The following ADAMTSL1 variants were observed in gnomAD, a reference collection of about 807,000 sequenced individuals.
The protein encoded by ADAMTSL1 is ADAMTS like 1.
In ADAMTSL1, 126 loss-of-function variants were observed where a neutral mutation model predicts 201.8. The observed-to-expected ratio is 0.62, with a 90% CI of 0.54 to 0.72. The LOEUF (loss-of-function observed/expected upper bound fraction) is 0.72. ADAMTSL1 is among the 30% of genes least tolerant of loss of function. The pLI is 0.00. For missense variants in ADAMTSL1, 2,679 were observed against 2,277.8 expected, an observed-to-expected ratio of 1.18 and a Z score of -3.59; for synonymous variants, 1,121 against 903.4, an observed-to-expected ratio of 1.24 and a Z score of -4.32.
chr9:18,137,391 G>A (rs1017760162), intron 1 of ADAMTSL1, among the ~76,000 whole-genome samples: 2 of 152,078 alleles, frequency 1.3e-5, no homozygotes, highest in African/African-American at 4.8e-5. Flanking sequence ...CTGAAGCCTT[G>A]AGCCTTCAAT....
intron 3 of ADAMTSL1, among the ~76,000 whole-genome samples, chr9:18,562,183 C>T (rs7390343): frequency 0.25 from 38,640 of 151,984 alleles, 5,675 homozygotes; most frequent in Admixed American, 0.35. Context: ...CCATGTTTAG[C>T]GCTTCCTTCA....
intron 14 of ADAMTSL1, among the ~76,000 whole-genome samples, chr9:18,719,533 T>A (rs1002052185): frequency 2.6e-5 from 4 of 152,104 alleles, no homozygotes; most frequent in African/African-American, 9.7e-5. Flanking sequence ...GCTGGCTAAT[T>A]TTGTACTTTT....
chr9:18,841,270 C>A (rs1309358182), intron 23 of ADAMTSL1, among the ~76,000 whole-genome samples: 3 of 151,938 alleles, frequency 2.0e-5, no homozygotes, highest in Admixed American at 6.6e-5. Flanking sequence ...TTGTCAAAGG[C>A]CTTTTCTGCA....
Position 18,165,666 on chromosome 9 carries a change from A to C in ADAMTSL1, c.207+1685A>C, listed in dbSNP as rs1010414393. ...TCACTCCACAAAGCTGGAATTTTAC[A>C]AGAAAAAGAGGGGAAAACAAGAAAA... On this transcript the variant is annotated intron_variant, in intron 2 of 29. Coordinates refer to the ADAMTSL1 transcript ENST00000680146. 3.3e-5 allele frequency among the ~76,000 whole-genome samples: 5 copies of C among 151,928 alleles called. No individual in the cohort carries two copies. In the East Asian group the frequency reaches 9.7e-4, roughly 29 times the overall value.
chr9:18,528,020 G>C (rs138937853), intron 2 of ADAMTSL1, among the ~76,000 whole-genome samples: 119 of 152,156 alleles, frequency 7.8e-4, no homozygotes, highest in Admixed American at 1.4e-3. Flanking sequence ...TGGGATTACA[G>C]GTGCCTGCCA....
chr9:18,455,415 G>C, intron 2 of ADAMTSL1, among the ~76,000 whole-genome samples: 1 of 151,976 alleles, frequency 6.6e-6, no homozygotes, highest in East Asian at 1.9e-4. Context: ...ATGTTTCTAA[G>C]CTGGTACCAC....
rs181149022 is a variant in ADAMTSL1, at chr9:18,770,801, G to A, written c.2397+20G>A. On this transcript the variant is annotated intron_variant, in intron 17 of 28. Coordinates refer to ENST00000380548, the MANE Select transcript of ADAMTSL1 (RefSeq NM_001040272.6). Reference sequence around the variant, plus strand: ...ACAGAGGTATGTATGTTCCTCCGAAGAGAATGAAAGAGATCCAAGTAGGAA... The same window carrying A: ...ACAGAGGTATGTATGTTCCTCCGAAAAGAATGAAAGAGATCCAAGTAGGAA... 264 of 1,606,106 alleles carry A rather than the reference G, an allele frequency of 1.6e-4. 1 individual carries two copies. In the East Asian group the frequency reaches 5.1e-3, roughly 31 times the overall value.
Position 18,421,890 on chromosome 9 carries a change from A to G in ADAMTSL1, c.208-82939A>G, listed in dbSNP as rs561848531. On this transcript the variant is annotated intron_variant, in intron 2 of 29. Transcript: ENST00000680146. Reference sequence around the variant, plus strand: ...TTTTATATGGAAGTAGATTATTACAAATAGTCAAGGATTTAAGAATGTAAT... The same window carrying G: ...TTTTATATGGAAGTAGATTATTACAGATAGTCAAGGATTTAAGAATGTAAT... Among the ~76,000 whole-genome samples, 3 of 152,348 alleles carry G rather than the reference A, an allele frequency of 2.0e-5. No individual in the cohort carries two copies. The East Asian group carries it at 5.8e-4, about 29-fold the overall frequency.
intron 4 of ADAMTSL1, among the ~76,000 whole-genome samples, chr9:18,606,770 C>G (rs1889008): frequency 6.6e-6 from 1 of 151,868 alleles, no homozygotes; most frequent in Non-Finnish European, 1.5e-5. Context: ...CCTTCCCCCC[C>G]AGTTTTCTTA....
In ADAMTSL1 at chr9:18,826,404, C is replaced by G. The variant is rs1232717918; in HGVS notation, c.4055C>G (p.Ser1352Cys). ...NVSSSDQGLY[S>C]CRAANLHGEL... is the part of the protein sequence containing the mutation. The stretch of plus-strand genomic sequence containing the variant: ...TCCTCCTCGGATCAGGGCCTGTACT[C>G]CTGCAGGGCGGCCAATCTTCATGGA... The change falls in exon 22 of 29, where the codon TCC (serine) becomes TGC (cysteine). Residue 1352 changes from serine to cysteine, a missense_variant. Coordinates refer to ENST00000380548, the MANE Select transcript of ADAMTSL1 (RefSeq NM_001040272.6). 1 of 1,613,856 alleles carries G rather than the reference C, an allele frequency of 6.2e-7. No individual in the cohort carries two copies. Among genetic ancestry groups the G allele is most frequent in the South Asian group, 1.1e-5 (1 of 91,022 alleles).
intron 4 of ADAMTSL1, among the ~76,000 whole-genome samples, chr9:18,611,331 T>TA (rs1825351456): frequency 6.6e-6 from 1 of 152,178 alleles, no homozygotes; most frequent in Non-Finnish European, 1.5e-5. Flanking sequence ...CCAGACACCC[T>TA]AATTTTGGAA....
chr9:18,675,906 C>T lies in ADAMTSL1; in HGVS notation c.1135C>T (p.Arg379Trp), dbSNP rs1337418915. ...MPYDLYHPLP[R>W]WEATPWTACS... ...TTATGACCTCTACCATCCCCTTCCTCGGTACGTAAATCAATCATCCTGATG... is the reference window on the plus strand; with the variant it reads ...TTATGACCTCTACCATCCCCTTCCTTGGTACGTAAATCAATCATCCTGATG... Residue 379 changes from arginine to tryptophan, a missense_variant and splice_region_variant, in exon 10 of 29, where the codon CGG becomes TGG. Coordinates refer to ENST00000380548, the MANE Select transcript of ADAMTSL1 (RefSeq NM_001040272.6). The T allele has an allele frequency of 3.7e-6, 6 of 1,612,588 alleles. No individual in the cohort carries two copies. Among genetic ancestry groups the T allele is most frequent in the Middle Eastern group, 1.6e-4 (1 of 6,080 alleles).
intron 25 of ADAMTSL1, 51 bp downstream of exon 25, chr9:18,889,799 C>G: frequency 7.1e-7 from 1 of 1,402,084 alleles, no homozygotes; most frequent in East Asian, 2.8e-5. Flanking sequence ...GAGGAGCCCT[C>G]CCTGTTAGCG....
chr9:18,255,220 C>G (rs1164706327), intron 2 of ADAMTSL1, among the ~76,000 whole-genome samples: 1 of 152,146 alleles, frequency 6.6e-6, no homozygotes, highest in Admixed American at 6.5e-5. Context: ...TGTATTTGCA[C>G]ATTCGTAGGC....
At chr9:18,237,440 C>T (rs964814590) in intron 2 of ADAMTSL1, among the ~76,000 whole-genome samples, 2 of 152,200 alleles carry the variant, frequency 1.3e-5, no homozygotes, top group Admixed American at 6.5e-5. Context: ...ATATTCCGTG[C>T]TCTCCTGTTT....
chr9:17,985,905 C>G (rs938060344), intron 1 of ADAMTSL1, among the ~76,000 whole-genome samples: 8 of 152,098 alleles, frequency 5.3e-5, no homozygotes, highest in Admixed American at 5.2e-4. Context: ...AATGCGTTGG[C>G]TATGACAAGC....
At chr9:18,405,048 C>T (rs939110626) in intron 2 of ADAMTSL1, among the ~76,000 whole-genome samples, 44 of 152,176 alleles carry the variant, frequency 2.9e-4, no homozygotes, top group Non-Finnish European at 4.4e-4. Context: ...GCTAGACCTC[C>T]GCAACTGGCC....
intron 14 of ADAMTSL1, among the ~76,000 whole-genome samples, chr9:18,714,520 C>T (rs2133378573): frequency 7.2e-6 from 1 of 139,364 alleles, no homozygotes; most frequent in Admixed American, 7.6e-5. Context: ...TTCCTCAACA[C>T]ATACACTCTC....
At chr9:18,649,722 T>A (rs915719878) in intron 7 of ADAMTSL1, among the ~76,000 whole-genome samples, 4 of 152,282 alleles carry the variant, frequency 2.6e-5, no homozygotes, top group Middle Eastern at 3.4e-3. Context: ...GAACCTCAAA[T>A]GCTGCTGTCT....
Sources: gnomAD v4.1 joint callset for allele counts (sites outside exome capture counted in the v4.1 genomes callset) on GRCh38, gnomAD v4.1.1 for gene constraint, MANE v1.5 for transcripts, NCBI Gene and HGNC (gene_info 2026-07-23, HGNC 2026-07-21) for gene names.